The following PSD3 variants were observed in gnomAD, a reference collection of about 807,000 sequenced individuals.
PSD3 encodes pleckstrin and Sec7 domain containing 3.
Under a neutral mutation model 105.5 loss-of-function variants are expected in PSD3, and 49 were observed. The observed-to-expected ratio is 0.46, with a 90% CI of 0.37 to 0.59. PSD3 has a LOEUF of 0.59. PSD3 is among the 20% of genes least tolerant of loss of function. The pLI is 0.00. For missense variants in PSD3, 1,561 were observed against 1,263.8 expected, an observed-to-expected ratio of 1.24 and a Z score of -3.57; for synonymous variants, 557 against 457.8, an observed-to-expected ratio of 1.22 and a Z score of -2.77.
chr8:18,925,656 T>A (rs1354644444), intron 2 of PSD3, among the ~76,000 whole-genome samples: 1 of 151,910 alleles, frequency 6.6e-6, no homozygotes, highest in Admixed American at 6.6e-5. Context: ...GTGTGATGGG[T>A]TTATTCAAGG....
At chr8:18,660,368 C>T (rs9694178) in intron 9 of PSD3, among the ~76,000 whole-genome samples, 40,158 of 151,988 alleles carry the variant, frequency 0.26, 7,991 homozygotes, top group East Asian at 0.66. Context: ...GATTTCAGAC[C>T]TCTGGCCTCT....
At chr8:18,589,371 A>C (rs2130479603) in intron 12 of PSD3, among the ~76,000 whole-genome samples, 1 of 152,280 alleles carries the variant, frequency 6.6e-6, no homozygotes, top group South Asian at 2.1e-4. Flanking sequence ...CAAATCATTT[A>C]CTTTGTGATC....
intron 1 of PSD3, among the ~76,000 whole-genome samples, chr8:19,029,513 C>G (rs1827682239): frequency 6.6e-6 from 1 of 152,126 alleles, no homozygotes; most frequent in Non-Finnish European, 1.5e-5. Flanking sequence ...GGGAAGCAAA[C>G]ATGTCCTTCT....
intron 1 of PSD3, among the ~76,000 whole-genome samples, chr8:19,059,790 G>A (rs1446394058): frequency 6.6e-6 from 1 of 152,190 alleles, no homozygotes; most frequent in Non-Finnish European, 1.5e-5. Context: ...CCTTTCTCTT[G>A]GATCATTTGC....
intron 4 of PSD3, among the ~76,000 whole-genome samples, chr8:18,823,210 G>C (rs1812889569): frequency 6.6e-6 from 1 of 151,980 alleles, no homozygotes; most frequent in Non-Finnish European, 1.5e-5. Context: ...TTTCTTCGGA[G>C]TCTGCAGAAA....
chr8:18,599,866 C>G (rs1186316202), intron 12 of PSD3, among the ~76,000 whole-genome samples: 2 of 151,980 alleles, frequency 1.3e-5, no homozygotes, highest in Non-Finnish European at 2.9e-5. Context: ...TATGTTTTCT[C>G]CTATACATAC....
chr8:18,688,169 A>G (rs1205988348), intron 9 of PSD3, among the ~76,000 whole-genome samples: 2 of 152,162 alleles, frequency 1.3e-5, no homozygotes, highest in African/African-American at 4.8e-5. Context: ...GCTATGAGCA[A>G]AGATCCTGGA....
chr8:18,903,066 A>G (rs1819611646), intron 2 of PSD3, among the ~76,000 whole-genome samples: 1 of 152,150 alleles, frequency 6.6e-6, no homozygotes, highest in African/African-American at 2.4e-5. Context: ...CTGTCTGTGA[A>G]AGGATTGGAT....
intron 1 of PSD3, among the ~76,000 whole-genome samples, chr8:18,984,657 TTAATTGTAG>T (rs1278198267): frequency 4.6e-5 from 7 of 152,200 alleles, no homozygotes; most frequent in African/African-American, 1.7e-4. Flanking sequence ...TTATAATTCC[TTAATTGTAG>T]CTACAAAAAT....
Position 18,929,802 on chromosome 8 carries a change from C to A in PSD3, c.130+6232G>T, listed in dbSNP as rs575173779. On this transcript the variant is annotated intron_variant, in intron 2 of 15. Coordinates refer to ENST00000327040, the MANE Select transcript of PSD3 (RefSeq NM_015310.4). ...CTCGATGAAGCAAAAATCCAGGAAA[C>A]AGAAGATAATCTCAGGGGGAAAAAA... is the stretch of plus-strand genomic sequence containing the variant. Among the ~76,000 whole-genome samples, 7 of 151,420 alleles carry A rather than the reference C, an allele frequency of 4.6e-5. 1 individual carries two copies. In the South Asian group the frequency reaches 1.3e-3, roughly 27 times the overall value.
intron 1 of PSD3, among the ~76,000 whole-genome samples, chr8:18,989,873 A>C (rs929924414): frequency 6.6e-6 from 1 of 152,170 alleles, no homozygotes; most frequent in African/African-American, 2.4e-5. Flanking sequence ...CTTATCTTTG[A>C]TCTAAGAAGC....
chr8:18,880,568 G>C (rs1420443335), intron 2 of PSD3, among the ~76,000 whole-genome samples: 1 of 152,168 alleles, frequency 6.6e-6, no homozygotes, highest in Non-Finnish European at 1.5e-5. Context: ...AAGGGGTGCT[G>C]CATCTCCCAC....
intron 9 of PSD3, among the ~76,000 whole-genome samples, chr8:18,684,760 G>C (rs1800574473): frequency 6.6e-6 from 1 of 152,156 alleles, no homozygotes; most frequent in Non-Finnish European, 1.5e-5. Flanking sequence ...GTTAGCACAG[G>C]TTAACTTTCA....
At chr8:18,777,541 T>G (rs773988697) in intron 8 of PSD3, among the ~76,000 whole-genome samples, 3 of 152,202 alleles carry the variant, frequency 2.0e-5, no homozygotes, top group Non-Finnish European at 4.4e-5. Context: ...AAGAAAACAT[T>G]AACACATAAT....
At chr8:18,592,432 G>C (rs1326100096) in intron 12 of PSD3, among the ~76,000 whole-genome samples, 1 of 152,116 alleles carries the variant, frequency 6.6e-6, no homozygotes, top group Non-Finnish European at 1.5e-5. Context: ...GCAGAAAGAA[G>C]AAAGAGGGCA....
At chr8:18,910,836 G>A (rs1438620889) in intron 2 of PSD3, among the ~76,000 whole-genome samples, 11 of 151,580 alleles carry the variant, frequency 7.3e-5, no homozygotes, top group Non-Finnish European at 1.6e-4. Flanking sequence ...GCCTTCAAAT[G>A]GTATCTGACA....
intron 9 of PSD3, among the ~76,000 whole-genome samples, chr8:18,757,754 A>G (rs1028779641): frequency 1.3e-5 from 2 of 152,250 alleles, no homozygotes; most frequent in African/African-American, 4.8e-5. Context: ...AAACATGACA[A>G]TAAACATAGG....
At chr8:18,779,079 G>A (rs919707519) in intron 8 of PSD3, among the ~76,000 whole-genome samples, 5 of 151,968 alleles carry the variant, frequency 3.3e-5, no homozygotes, top group Non-Finnish European at 5.9e-5. Context: ...AAATCTCCTG[G>A]GCTCAAGCTT....
chr8:18,992,657 T>G (rs1825865212), intron 1 of PSD3, among the ~76,000 whole-genome samples: 1 of 152,222 alleles, frequency 6.6e-6, no homozygotes, highest in Admixed American at 6.5e-5. Context: ...TACTTCATTT[T>G]GTTAACTCTG....
Sources: gnomAD v4.1 joint callset for allele counts (sites outside exome capture counted in the v4.1 genomes callset) on GRCh38, gnomAD v4.1.1 for gene constraint, MANE v1.5 for transcripts, NCBI Gene and HGNC (gene_info 2026-07-23, HGNC 2026-07-21) for gene names.